The following GPC3 variants were observed in gnomAD, a reference collection of about 807,000 sequenced individuals.
The protein encoded by GPC3 is glypican-3.
In GPC3, 3 loss-of-function variants were observed where a neutral mutation model predicts 34.4. That is an observed-to-expected ratio of 0.09 (90% CI 0.04 to 0.23). GPC3 has a LOEUF of 0.23. GPC3 is among the 10% of genes least tolerant of loss of function. GPC3 has a pLI of 1.00. For missense variants in GPC3, 351 were observed against 445.6 expected (o/e 0.79, Z 1.91); for synonymous variants, 177 against 174.0 (o/e 1.02, Z -0.13).
At chrX:133,784,441 C>G (rs2072082352) in intron 2 of GPC3, among the ~76,000 whole-genome samples, 1 of 111,400 alleles carries the variant, frequency 9.0e-6, no homozygotes, top group South Asian at 3.9e-4. Context: ...TGAAAATCCC[C>G]TCTGGAATCT....
chrX:133,637,449 A>T (rs1008275397), intron 6 of GPC3, among the ~76,000 whole-genome samples: 14 of 111,164 alleles, frequency 1.3e-4, no homozygotes, highest in African/African-American at 3.3e-4. Context: ...AAATAATTTT[A>T]AAAAAGGCAG....
At chrX:133,705,762 A>G (rs17000475) in intron 3 of GPC3, among the ~76,000 whole-genome samples, 2,921 of 112,426 alleles carry the variant, frequency 0.026, 90 homozygotes, top group African/African-American at 0.088. Flanking sequence ...TTCTCTAAAC[A>G]TATTCCAAGA....
intron 3 of GPC3, among the ~76,000 whole-genome samples, chrX:133,700,263 T>TA (rs1237338925): frequency 9.0e-5 from 10 of 111,604 alleles, no homozygotes; most frequent in Non-Finnish European, 1.9e-5. Flanking sequence ...TTTCCTAAGA[T>TA]AAAAAATGGC....
intron 6 of GPC3, among the ~76,000 whole-genome samples, chrX:133,627,853 G>A (rs1057420361): frequency 8.9e-6 from 1 of 112,042 alleles, no homozygotes; most frequent in Admixed American, 9.5e-5. Context: ...CTGAGTAAAC[G>A]CAGAGCCCTA....
intron 2 of GPC3, among the ~76,000 whole-genome samples, chrX:133,859,122 T>C (rs1232754255): frequency 1.8e-5 from 2 of 109,871 alleles, no homozygotes; most frequent in Non-Finnish European, 3.8e-5. Flanking sequence ...TGTCCTTTGA[T>C]CTAATAAGTT....
At chrX:133,630,588 A>G (rs2070354593) in intron 6 of GPC3, among the ~76,000 whole-genome samples, 1 of 111,384 alleles carries the variant, frequency 9.0e-6, no homozygotes, top group Admixed American at 9.6e-5. Flanking sequence ...TTGCCTCCTA[A>G]GAGTAGTTTC....
chrX:133,734,811 G>C (rs2071494961), intron 3 of GPC3, among the ~76,000 whole-genome samples: 1 of 110,719 alleles, frequency 9.0e-6, no homozygotes, highest in Non-Finnish European at 1.9e-5. Context: ...AGATCAGTAT[G>C]CAAAAATCAA....
chrX:133,716,349 C>A (rs756557770), intron 3 of GPC3, among the ~76,000 whole-genome samples: 2 of 112,007 alleles, frequency 1.8e-5, no homozygotes, highest in Non-Finnish European at 3.8e-5. Flanking sequence ...CAGATATGGG[C>A]TTTATTAGAC....
At chrX:133,542,750 C>G (rs1012968892) in intron 7 of GPC3, among the ~76,000 whole-genome samples, 16 of 111,772 alleles carry the variant, frequency 1.4e-4, no homozygotes, top group African/African-American at 4.2e-4. Flanking sequence ...TTGGCAACCC[C>G]CAGAGGCTGA....
chrX:133,664,876 G>A (rs1855118364), intron 5 of GPC3, among the ~76,000 whole-genome samples: 1 of 109,522 alleles, frequency 9.1e-6, no homozygotes, highest in Non-Finnish European at 1.9e-5. Context: ...TGTTGAGCCC[G>A]GGAGGTCAAG....
At chrX:133,947,811 A>G (rs1379985932) in intron 2 of GPC3, among the ~76,000 whole-genome samples, 1 of 111,828 alleles carries the variant, frequency 8.9e-6, no homozygotes, top group Non-Finnish European at 1.9e-5. Flanking sequence ...ATTTTTGAGG[A>G]TATATAACTT....
At chrX:133,890,607 T>C (rs1235377594) in intron 2 of GPC3, among the ~76,000 whole-genome samples, 1 of 110,105 alleles carries the variant, frequency 9.1e-6, no homozygotes, top group East Asian at 2.8e-4. Flanking sequence ...CCTGTAATCC[T>C]AGCACTTTGA....
chrX:133,737,227 A>C (rs767941144), intron 3 of GPC3, among the ~76,000 whole-genome samples: 1 of 112,417 alleles, frequency 8.9e-6, no homozygotes, highest in Non-Finnish European at 1.9e-5. Flanking sequence ...CAGGTGAAGC[A>C]CAGAACATTT....
At chrX:133,982,230 G>C (rs1014667439) in intron 1 of GPC3, among the ~76,000 whole-genome samples, 6 of 111,781 alleles carry the variant, frequency 5.4e-5, no homozygotes, top group Non-Finnish European at 1.1e-4. Flanking sequence ...GAGCTCATTG[G>C]CTTTTTTCTG....
At chrX:133,727,657 T>C (rs2071423627) in intron 3 of GPC3, among the ~76,000 whole-genome samples, 1 of 111,992 alleles carries the variant, frequency 8.9e-6, no homozygotes, top group South Asian at 3.7e-4. Context: ...TACATGCATC[T>C]CCCCATCTGG....
chrX:133,897,402 T>C (rs1165243929), intron 2 of GPC3, among the ~76,000 whole-genome samples: 6 of 108,823 alleles, frequency 5.5e-5, no homozygotes, highest in Non-Finnish European at 7.6e-5. Context: ...TGATGGTGTA[T>C]TCTATCCACG....
intron 3 of GPC3, chrX:133,704,372 G>A (rs918042140): frequency 8.5e-6 from 3 of 352,661 alleles, no homozygotes; most frequent in African/African-American, 8.0e-5. Context: ...TGAGGAACCT[G>A]TAATAAAAGA....
chrX:133,574,631 T>A (rs1223559171), intron 7 of GPC3, among the ~76,000 whole-genome samples: 1 of 112,391 alleles, frequency 8.9e-6, no homozygotes, highest in Admixed American at 9.5e-5. Flanking sequence ...ATCTTTGTCT[T>A]GCCAGCAAAG....
chrX:133,746,300 T>C (rs1377802699), intron 3 of GPC3, among the ~76,000 whole-genome samples: 1 of 112,270 alleles, frequency 8.9e-6, no homozygotes, highest in Admixed American at 9.5e-5. Flanking sequence ...AGAAAGGATG[T>C]AAAATTTCTC....
Sources: gnomAD v4.1 joint callset for allele counts (sites outside exome capture counted in the v4.1 genomes callset) on GRCh38, gnomAD v4.1.1 for gene constraint, MANE v1.5 for transcripts, NCBI Gene and HGNC (gene_info 2026-07-23, HGNC 2026-07-21) for gene names.